NXN: variants seen among roughly 807,000 people sequenced by gnomAD.
NXN encodes nucleoredoxin 1.
Under a neutral mutation model 48.6 loss-of-function variants are expected in NXN, and 16 were observed. The observed-to-expected ratio is 0.33, with a 90% confidence interval of 0.22 to 0.50. The LOEUF is 0.50. Among genes scored for constraint, NXN ranks in the 20% least tolerant of loss-of-function variants. The probability of loss-of-function intolerance (pLI) is 0.98; values close to 1 mark genes in which losing one functional copy is unlikely to be tolerated. For missense variants in NXN, 492 were observed against 605.5 expected (o/e 0.81, Z 1.97); for synonymous variants, 281 against 269.6 (o/e 1.04, Z -0.41).
Position 800,840 on chromosome 17 carries a change from C to G in NXN, c.*109G>C. 1.5e-6 allele frequency: 1 copy of G among 667,306 alleles called. No individual in the cohort carries two copies. The highest frequency in any genetic ancestry group is 2.2e-6 in the Non-Finnish European group (1 of 451,996). The allele number at this position is 667,306 out of a possible 1,614,324, so 41.3% of individuals were successfully genotyped here. A position where few individuals can be genotyped will look rare whatever the true frequency, so the allele number is the denominator to read the frequency against. On this transcript the variant is annotated 3_prime_UTR_variant, in exon 8 of 8. Transcript: ENST00000336868. ...CAAGGCACCACAGAGAGGCTGGACA[C>G]TTGGGTGGTGGGATTCGGGGCACGC...
intron 1 of NXN, among the ~76,000 whole-genome samples, chr17:891,744 G>GGGCACCTAAACTAACCCCACCATGCACGA (rs1567851181): frequency 5.9e-5 from 2 of 33,636 alleles, no homozygotes; most frequent in Admixed American, 3.5e-4. Context: ...ACCATGCACA[G>GGGCACCTAAACTAACCCCACCATGCACGA]CCCATCAGGG....
At position 917,249 on chromosome 17, in the gene NXN, C is replaced by A. The variant is rs1278163338; in HGVS notation, c.360+62070G>T. Reference sequence around the variant, plus strand: ...CTCCGCCTCGCGGGTTCAAGCGATTCTCCTGCCTCAGCCTCCCGAGCAGCT... The same window carrying A: ...CTCCGCCTCGCGGGTTCAAGCGATTATCCTGCCTCAGCCTCCCGAGCAGCT... On this transcript the variant is annotated intron_variant, in intron 1 of 7. Coordinates refer to ENST00000336868, the MANE Select transcript of NXN (RefSeq NM_022463.5). The surrounding 1 kb of genome is among the most constrained non-coding windows in gnomAD (Gnocchi z 4.5). 6.6e-6 allele frequency among the ~76,000 whole-genome samples: 1 copy of A among 152,002 alleles called. No individual in the cohort carries two copies. Among genetic ancestry groups the A allele is most frequent in the Non-Finnish European group, 1.5e-5 (1 of 68,012 alleles).
At chr17:941,190 T>C (rs1380147543) in intron 1 of NXN, among the ~76,000 whole-genome samples, 112 of 119,288 alleles carry the variant, frequency 9.4e-4, no homozygotes, top group African/African-American at 3.0e-3. Context: ...GGATTTACAG[T>C]GAACAAGATT....
chr17:810,744 C>CCAGGTG, intron 5 of NXN, among the ~76,000 whole-genome samples: 1 of 152,124 alleles, frequency 6.6e-6, no homozygotes, highest in African/African-American at 2.4e-5. Flanking sequence ...ACAAAATTAG[C>CCAGGTG]TGGGCGTGGT....
intron 1 of NXN, among the ~76,000 whole-genome samples, chr17:905,813 C>T (rs1264080791): frequency 6.6e-6 from 1 of 151,408 alleles, no homozygotes; most frequent in Non-Finnish European, 1.5e-5. Context: ...CCTATCTCTA[C>T]AAAAAATTTA....
chr17:805,020 T>TGCCCCCCCCCCCCCCCC, intron 6 of NXN, 48 bp downstream of exon 6: 1 of 1,512,880 alleles, frequency 6.6e-7, no homozygotes, highest in Non-Finnish European at 9.0e-7. Context: ...GCCCCTCCTG[T>TGCCCCCCCCCCCCCCCC]CCCGCCCCCC....
At chr17:908,957 T>C (rs1010284496) in intron 1 of NXN, among the ~76,000 whole-genome samples, 1 of 151,840 alleles carries the variant, frequency 6.6e-6, no homozygotes, top group Non-Finnish European at 1.5e-5. Context: ...ACAAAACAAA[T>C]TAGCCGGGTG....
intron 1 of NXN, among the ~76,000 whole-genome samples, chr17:954,297 C>T (rs2069143407): frequency 6.6e-6 from 1 of 152,136 alleles, no homozygotes; most frequent in African/African-American, 2.4e-5. Context: ...AGGAGAATCC[C>T]TTGAATCTTG....
Position 917,220 on chromosome 17 carries a change from TG to T in NXN, c.360+62098del, listed in dbSNP as rs1410862649. Among the ~76,000 whole-genome samples the T allele has an allele frequency of 1.3e-5, 2 of 151,918 alleles. No individual in the cohort carries two copies. The highest frequency in any genetic ancestry group is 2.4e-5 in the African/African-American group (1 of 41,390). On this transcript the variant is annotated intron_variant, in intron 1 of 7. Transcript: ENST00000336868. This position sits in a 1 kb window ranked among gnomAD's most constrained non-coding sequence, Gnocchi z 4.5. The stretch of plus-strand genomic sequence containing the variant: ...GCAATGGCGCGACCTCGGCTCGCCG[TG>T]GCCTCCGCCTCGCGGGTTCAAGCGA...
chr17:832,872 C>A (rs1259938629), intron 1 of NXN, among the ~76,000 whole-genome samples: 1 of 151,998 alleles, frequency 6.6e-6, no homozygotes, highest in Non-Finnish European at 1.5e-5. Flanking sequence ...AAAAAATTTC[C>A]TTCTAGACTC....
intron 1 of NXN, among the ~76,000 whole-genome samples, chr17:970,945 CTTTT>C (rs398058506): frequency 3.0e-5 from 4 of 133,992 alleles, no homozygotes; most frequent in African/African-American, 2.8e-5. Context: ...ATATGAGACT[CTTTT>C]TTTTTTTTTT....
intron 1 of NXN, among the ~76,000 whole-genome samples, chr17:957,710 C>A (rs1254686303): frequency 6.6e-6 from 1 of 151,956 alleles, no homozygotes; most frequent in African/African-American, 2.4e-5. Flanking sequence ...TGGTCAAAAG[C>A]ACCTGTCTCC....
intron 1 of NXN, among the ~76,000 whole-genome samples, chr17:927,580 C>CA (rs71371593): frequency 0.42 from 48,653 of 117,100 alleles, 11,426 homozygotes; most frequent in East Asian, 0.63. Context: ...AACCTTGTCT[C>CA]AAAAAAAAAA....
intron 1 of NXN, among the ~76,000 whole-genome samples, chr17:834,717 A>C (rs1237785295): frequency 6.6e-6 from 1 of 151,718 alleles, no homozygotes; most frequent in Non-Finnish European, 1.5e-5. Context: ...ATGGGGTTTC[A>C]CCACGTTGGG....
intron 1 of NXN, among the ~76,000 whole-genome samples, chr17:885,645 A>G (rs9788988): frequency 0.61 from 87,205 of 143,964 alleles, 26,523 homozygotes; most frequent in South Asian, 0.69. Context: ...GAGAGGCGCC[A>G]TGCCCACCTG....
intron 1 of NXN, among the ~76,000 whole-genome samples, chr17:904,919 G>A (rs2068569412): frequency 6.6e-6 from 1 of 152,060 alleles, no homozygotes; most frequent in Non-Finnish European, 1.5e-5. Context: ...GAGTCTGTAT[G>A]ACATGAAGGG....
chr17:891,721 CTAAGCTAACCCCACCATGCA>C (rs2068418957), intron 1 of NXN, among the ~76,000 whole-genome samples: 1 of 151,648 alleles, frequency 6.6e-6, no homozygotes, highest in African/African-American at 2.4e-5. Flanking sequence ...AACAGGGAAC[CTAAGCTAACCCCACCATGCA>C]CAGCCCATCA....
chr17:972,690 G>A (rs908427471), intron 1 of NXN, among the ~76,000 whole-genome samples: 2 of 152,088 alleles, frequency 1.3e-5, no homozygotes, highest in African/African-American at 4.8e-5. Context: ...TCTCAAATGT[G>A]TGTGCACATT....
At chr17:841,586 C>CCAT (rs1567827989) in intron 1 of NXN, among the ~76,000 whole-genome samples, 1 of 11,902 alleles carries the variant, frequency 8.4e-5, no homozygotes, top group East Asian at 4.0e-3. Context: ...CATCTCACGC[C>CCAT]GGCGAGCAGG....
Sources: allele counts gnomAD v4.1 joint callset (sites outside exome capture counted in the v4.1 genomes callset), GRCh38; gene constraint gnomAD v4.1.1; non-coding constraint Gnocchi (gnomAD v3.1); transcripts MANE v1.5; gene names NCBI Gene and HGNC (gene_info 2026-07-23, HGNC 2026-07-21).